Variants in ADGRV1 observed in about 807,000 individuals in gnomAD.
ADGRV1 encodes G-protein coupled receptor 98.
Under a neutral mutation model 596.2 loss-of-function variants are expected in ADGRV1, and 359 were observed. The observed-to-expected ratio is 0.60, with a 90% CI of 0.55 to 0.66. The LOEUF (loss-of-function observed/expected upper bound fraction) is 0.66, where lower values mean the gene tolerates loss of function less well. ADGRV1 is among the 30% of genes least tolerant of loss of function. The pLI, the probability that ADGRV1 is intolerant of heterozygous loss-of-function variation, is 0.00. For synonymous variants in ADGRV1, 2,681 were observed against 2,679.2 expected (o/e 1.00, Z -0.02); for missense variants, 7,274 against 7,575.6 (o/e 0.96, Z 1.48).
At chr5:90,642,013 A>G (rs536126910) in intron 11 of ADGRV1, among the ~76,000 whole-genome samples, 213 of 152,212 alleles carry the variant, frequency 1.4e-3, no homozygotes, top group Non-Finnish European at 2.5e-3. Flanking sequence ...TATTCCCTAC[A>G]TTTTCTTTTA....
intron 85 of ADGRV1, among the ~76,000 whole-genome samples, chr5:91,029,206 C>T (rs1784283790): frequency 6.6e-6 from 1 of 151,698 alleles, no homozygotes; most frequent in Non-Finnish European, 1.5e-5. Context: ...AGCGAGACTC[C>T]GTCTCAAAAA....
intron 89 of ADGRV1, among the ~76,000 whole-genome samples, chr5:91,154,130 G>T (rs1796277456): frequency 6.6e-6 from 1 of 152,114 alleles, no homozygotes; most frequent in Non-Finnish European, 1.5e-5. Context: ...AACATTAAAA[G>T]AAAACCGTAA....
rs1401390472 is a variant in ADGRV1, at chr5:90,708,801, G to A, written c.8731-15G>A. On this transcript the variant is annotated splice_polypyrimidine_tract_variant and intron_variant, in intron 38 of 89. Transcript: ENST00000405460. Reference sequence around the variant, plus strand: ...GAGTATAACTAAAGGAATTTAATGAGTGTAATTTTTTCAGGATGATGTACC... The same window carrying A: ...GAGTATAACTAAAGGAATTTAATGAATGTAATTTTTTCAGGATGATGTACC... 2 of 1,535,156 alleles carry A rather than the reference G, an allele frequency of 1.3e-6. No homozygotes were observed. Among genetic ancestry groups the A allele is most frequent in the Non-Finnish European group, 1.8e-6 (2 of 1,110,386 alleles).
intron 83 of ADGRV1, among the ~76,000 whole-genome samples, chr5:90,865,642 G>A (rs1370198333): frequency 6.6e-6 from 1 of 152,106 alleles, no homozygotes. Flanking sequence ...TATTTTCATA[G>A]CTCTTTTTTG....
chr5:90,705,088 G>GT (rs1198659616), intron 36 of ADGRV1, among the ~76,000 whole-genome samples: 3 of 152,102 alleles, frequency 2.0e-5, no homozygotes, highest in African/African-American at 7.2e-5. Context: ...GATTACAGGC[G>GT]TGAGCCACCA....
chr5:91,153,176 C>G lies in ADGRV1; in HGVS notation c.18625-45C>G, dbSNP rs370095644. ...TTGGGTTTCATAGTGAATGTGTATG[C>G]ATTCATATTATGGTTTCTTTTTCCC... is the stretch of plus-strand genomic sequence containing the variant. On this transcript the variant is annotated intron_variant, in intron 88 of 89. Coordinates refer to ENST00000405460, the MANE Select transcript of ADGRV1 (RefSeq NM_032119.4). The G allele has an allele frequency of 2.4e-4, 364 of 1,491,660 alleles. 2 individuals carry two copies. Among genetic ancestry groups the G allele is most frequent in the Admixed American group, 5.3e-4 (28 of 52,444 alleles). 92.4% of individuals were successfully genotyped at this position (1,491,660 alleles called of 1,614,324 possible). A position where few individuals can be genotyped will look rare whatever the true frequency, so the allele number is the denominator to read the frequency against.
chr5:91,120,948 C>A (rs1038037250), intron 87 of ADGRV1, among the ~76,000 whole-genome samples: 2 of 151,988 alleles, frequency 1.3e-5, no homozygotes, highest in African/African-American at 4.8e-5. Flanking sequence ...CCAAGGTGGG[C>A]GGGTCACTTG....
intron 85 of ADGRV1, among the ~76,000 whole-genome samples, chr5:91,000,502 A>AT (rs1250536931): frequency 3.9e-5 from 6 of 152,144 alleles, no homozygotes; most frequent in Non-Finnish European, 8.8e-5. Flanking sequence ...CAATCGTAAC[A>AT]TTTTTTGAAG....
chr5:91,057,721 G>A (rs1204553993), intron 85 of ADGRV1, among the ~76,000 whole-genome samples: 5 of 152,230 alleles, frequency 3.3e-5, no homozygotes, highest in Non-Finnish European at 7.3e-5. Flanking sequence ...GCCTTGGTGG[G>A]AGAGGGGATT....
intron 85 of ADGRV1, among the ~76,000 whole-genome samples, chr5:90,986,860 C>G (rs554278854): frequency 2.6e-4 from 40 of 152,228 alleles, no homozygotes; most frequent in African/African-American, 9.4e-4. Context: ...AAAGTAACCA[C>G]GAAGCAAGCC....
chr5:90,854,175 TCTC>T lies in ADGRV1; in HGVS notation c.17571_17573del (p.Leu5858del). 6.4e-7 allele frequency: 1 copy of T among 1,552,650 alleles called. No individual in the cohort carries two copies. Among genetic ancestry groups the T allele is most frequent in the Non-Finnish European group, 8.7e-7 (1 of 1,147,428 alleles). ...GAATTATTCCTCAGACATCTCTGTG[TCTC>T]CTTTGGAATCAGGCTGCTGCAAGGT... On this transcript the variant is annotated inframe_deletion, in exon 81 of 90. Transcript: ENST00000405460.
chr5:91,071,765 C>A (rs995799954), intron 85 of ADGRV1, among the ~76,000 whole-genome samples: 1 of 151,932 alleles, frequency 6.6e-6, no homozygotes, highest in Non-Finnish European at 1.5e-5. Flanking sequence ...ACCTCTGCCT[C>A]CCGGTTTCAA....
At chr5:90,759,362 C>T (rs114050299) in intron 57 of ADGRV1, 47 bp from the exon 58 acceptor site, 2 of 1,298,284 alleles carry the variant, frequency 1.5e-6, no homozygotes, top group Non-Finnish European at 2.2e-6. Flanking sequence ...CTATCTTCCT[C>T]CTTCTTTTCC....
intron 84 of ADGRV1, among the ~76,000 whole-genome samples, chr5:90,981,659 A>G (rs1419107173): frequency 6.6e-6 from 1 of 152,200 alleles, no homozygotes; most frequent in Non-Finnish European, 1.5e-5. Context: ...CTGAGCTGCC[A>G]GAATGGGCTC....
chr5:90,644,800 A>G lies in ADGRV1; in HGVS notation c.2829A>G (p.Val943=), dbSNP rs1375995253. The part of the protein sequence containing the change: ...SPDFTQDVFP[V]QGTVVFGDQE... ...ACTTTACACAAGATGTATTTCCTGT[A>G]CAAGGGACTGTTGTCTTTGGAGATC... is the stretch of plus-strand genomic sequence containing the variant. The change falls in exon 15 of 90, where the codon GTA becomes GTG. Residue 943 remains valine (V), a synonymous_variant. Coordinates refer to ENST00000405460, the MANE Select transcript of ADGRV1 (RefSeq NM_032119.4). 2.5e-6 allele frequency: 4 copies of G among 1,611,616 alleles called. No individual in the cohort carries two copies. Among genetic ancestry groups the G allele is most frequent in the Non-Finnish European group, 3.4e-6 (4 of 1,179,028 alleles).
intron 85 of ADGRV1, among the ~76,000 whole-genome samples, chr5:91,062,353 T>C (rs1287296597): frequency 6.6e-6 from 1 of 152,180 alleles, no homozygotes; most frequent in East Asian, 1.9e-4. Context: ...CACCAAATTA[T>C]AAGTCAGGGG....
At chr5:90,844,727 A>T (rs962602768) in intron 78 of ADGRV1, among the ~76,000 whole-genome samples, 1 of 152,154 alleles carries the variant, frequency 6.6e-6, no homozygotes, top group African/African-American at 2.4e-5. Context: ...GAGCACAGGA[A>T]TAATTAGTTC....
chr5:90,759,123 G>C (rs1478319548), intron 57 of ADGRV1, among the ~76,000 whole-genome samples: 1 of 151,846 alleles, frequency 6.6e-6, no homozygotes, highest in East Asian at 1.9e-4. Flanking sequence ...GTTTTATCTT[G>C]AAAATAATAG....
Position 90,646,742 on chromosome 5 carries a change from T to C in ADGRV1, c.3022+651T>C, listed in dbSNP as rs368742171. Among the ~76,000 whole-genome samples, 40 of 151,994 alleles carry C rather than the reference T, an allele frequency of 2.6e-4. No homozygotes were observed. The East Asian group carries it at 4.6e-3, about 18-fold the overall frequency. On this transcript the variant is annotated intron_variant, in intron 16 of 89. Coordinates refer to ENST00000405460, the MANE Select transcript of ADGRV1 (RefSeq NM_032119.4). ...TTGCAGGAATCTTGTAAGCCTTTTG[T>C]ATTTTATTGATTTGTATTCTTTCTT...
Sources: allele counts gnomAD v4.1 joint callset (sites outside exome capture counted in the v4.1 genomes callset), GRCh38; gene constraint gnomAD v4.1.1; transcripts MANE v1.5; gene names NCBI Gene and HGNC (gene_info 2026-07-23, HGNC 2026-07-21).